The following AHI1 variants were observed in gnomAD, a reference collection of about 807,000 sequenced individuals.
AHI1 encodes Abelson helper integration site 1, also known as jouberin.
Under a neutral mutation model 149.3 loss-of-function variants are expected in AHI1, and 123 were observed. The ratio of observed to expected loss-of-function variants is 0.82; its 90% CI spans 0.71 to 0.96. The LOEUF (loss-of-function observed/expected upper bound fraction) is 0.96, where lower values mean the gene tolerates loss of function less well. Ranked by LOEUF, AHI1 falls within the 40% of genes least tolerant of loss-of-function variation. The pLI is 0.00. For missense variants in AHI1, 1,439 were observed against 1,422.7 expected, an observed-to-expected ratio of 1.01 and a Z score of -0.18; for synonymous variants, 475 against 459.8, an observed-to-expected ratio of 1.03 and a Z score of -0.42.
intron 23 of AHI1, among the ~76,000 whole-genome samples, chr6:135,372,517 A>T (rs1775218241): frequency 9.8e-6 from 1 of 102,162 alleles, no homozygotes; most frequent in African/African-American, 3.3e-5. Flanking sequence ...GGAAAAAAAA[A>T]GAAAAAAAAA....
intron 23 of AHI1, among the ~76,000 whole-genome samples, chr6:135,385,391 A>G (rs1299957453): frequency 6.6e-6 from 1 of 152,196 alleles, no homozygotes; most frequent in Non-Finnish European, 1.5e-5. Flanking sequence ...ATGAGATAAG[A>G]GGCAAAACAA....
chr6:135,383,517 G>A lies in AHI1; in HGVS notation c.3109+11259C>T, dbSNP rs963328258. On this transcript the variant is annotated intron_variant, in intron 23 of 28. Transcript: ENST00000265602. ...TACATTGGTATGGTATAGAGAATAT[G>A]AGATGGTGTGAACCCATTTTTCATA... Among the ~76,000 whole-genome samples the A allele has an allele frequency of 5.3e-5, 8 of 152,024 alleles. 1 individual carries two copies. The highest frequency in any genetic ancestry group is 1.9e-4 in the African/African-American group (8 of 41,370).
rs989975602 is a variant in AHI1 at position 135,287,875 on chromosome 6, C to A, written c.3589-2228G>T. 4.6e-5 allele frequency among the ~76,000 whole-genome samples: 7 copies of A among 151,886 alleles called. 1 individual carries two copies. The highest frequency in any genetic ancestry group is 1.7e-4 in the African/African-American group (7 of 41,228). Reference sequence around the variant, plus strand: ...ATTTTGGGAGGCTGAGGCGGGTGATCACTTGAGGTCAGGGGTTTGAGACCA... The same window carrying A: ...ATTTTGGGAGGCTGAGGCGGGTGATAACTTGAGGTCAGGGGTTTGAGACCA... On this transcript the variant is annotated intron_variant, in intron 28 of 28. Transcript: ENST00000265602.
chr6:135,335,030 G>A (rs1055030646), intron 24 of AHI1, among the ~76,000 whole-genome samples: 4 of 152,122 alleles, frequency 2.6e-5, no homozygotes, highest in Non-Finnish European at 5.9e-5. Flanking sequence ...ACTTATTTCT[G>A]CACATATCAA....
chr6:135,480,134 T>A (rs1793383593), intron 5 of AHI1, among the ~76,000 whole-genome samples: 1 of 152,180 alleles, frequency 6.6e-6, no homozygotes, highest in Admixed American at 6.5e-5. Context: ...AATACAATTT[T>A]CTACCATTAA....
rs11154800 is a variant in AHI1 at position 135,382,869 on chromosome 6, C to T, written c.3109+11907G>A. Reference sequence around the variant, plus strand: ...GAAGAGCTGCTTGCTTGGTTCCAGGCGGTGCCCATCCTAAGCAAAATTAGT... The same window carrying T: ...GAAGAGCTGCTTGCTTGGTTCCAGGTGGTGCCCATCCTAAGCAAAATTAGT... On this transcript the variant is annotated intron_variant, in intron 23 of 28. Transcript: ENST00000265602. 4.9e-3 allele frequency among the ~76,000 whole-genome samples: 568 copies of T among 116,636 alleles called. 3 individuals are homozygous for T. Among genetic ancestry groups the T allele is most frequent in the South Asian group, 0.013 (43 of 3,406 alleles). 76.5% of individuals were successfully genotyped at this position (116,636 alleles called of 152,430 possible).
chr6:135,310,999 G>C (rs746654124), intron 26 of AHI1, among the ~76,000 whole-genome samples: 13 of 151,946 alleles, frequency 8.6e-5, no homozygotes, highest in Non-Finnish European at 1.5e-4. Context: ...AAATAGGATT[G>C]TCTCTGCTAA....
Position 135,354,536 on chromosome 6 carries a change from G to T in AHI1, c.3165+3596C>A, listed in dbSNP as rs1792661166. Among the ~76,000 whole-genome samples, 4 of 152,218 alleles carry T rather than the reference G, an allele frequency of 2.6e-5. No homozygotes were observed. The South Asian group carries it at 8.3e-4, about 32-fold the overall frequency. ...CTTATGCTAGTTGCCATTTCCCTTT[G>T]ATTTGCAAATAAGTCCTTCATTTAA... On this transcript the variant is annotated intron_variant, in intron 24 of 28. Transcript: ENST00000265602.
intron 4 of AHI1, 100 bp from the exon 5 acceptor site, chr6:135,490,847 A>T: frequency 7.1e-7 from 1 of 1,401,802 alleles, no homozygotes; most frequent in Non-Finnish European, 9.6e-7. Flanking sequence ...AAATATCGGC[A>T]TGAGTTCTCT....
intron 20 of AHI1, 89 bp downstream of exon 20, chr6:135,427,078 T>C: frequency 1.5e-6 from 2 of 1,336,030 alleles, no homozygotes; most frequent in African/African-American, 1.5e-5. Context: ...TGTACTTTTG[T>C]CAACATTTGA....
intron 23 of AHI1, among the ~76,000 whole-genome samples, chr6:135,364,051 C>T (rs868834523): frequency 3.4e-5 from 5 of 147,824 alleles, no homozygotes; most frequent in Non-Finnish European, 7.5e-5. Flanking sequence ...CCGGACAGGG[C>T]GGCTGGCCGG....
intron 23 of AHI1, among the ~76,000 whole-genome samples, chr6:135,384,710 C>T (rs2128472162): frequency 6.6e-6 from 1 of 152,284 alleles, no homozygotes; most frequent in East Asian, 1.9e-4. Flanking sequence ...ATTGTAACAT[C>T]TGATTTGCTG....
intron 23 of AHI1, among the ~76,000 whole-genome samples, chr6:135,373,552 T>C (rs187614943): frequency 9.2e-5 from 14 of 152,220 alleles, no homozygotes; most frequent in Admixed American, 9.2e-4. Flanking sequence ...AAATTTTATG[T>C]TTCTTGGGAG....
intron 5 of AHI1, among the ~76,000 whole-genome samples, chr6:135,469,283 G>T (rs113209888): frequency 0.012 from 1,852 of 152,200 alleles, 43 homozygotes; most frequent in African/African-American, 0.042. Flanking sequence ...AATAGACACA[G>T]GAAAGGCCTT....
chr6:135,353,216 C>T (rs546195648), intron 24 of AHI1, among the ~76,000 whole-genome samples: 3 of 152,046 alleles, frequency 2.0e-5, no homozygotes, highest in South Asian at 4.2e-4. Context: ...ATTTGAATTT[C>T]GATAGAACTG....
At chr6:135,302,740 C>CAT (rs777548091) in intron 26 of AHI1, 52 of 1,283,296 alleles carry the variant, frequency 4.1e-5, no homozygotes, top group Non-Finnish European at 5.0e-5. Context: ...AGCAGCACGT[C>CAT]ATATAGGTAG....
rs1363466856 is a variant in AHI1, at chr6:135,438,444, A to G, written c.1967T>C (p.Ile656Thr). ...FMRELCGHLN[I>T]IYDLSWSKDD... ...TTTTGACCAGGAAAGATCATAAATG[A>G]TATTGAGGTGGCCACACAATTCTCT... Residue 656 changes from isoleucine to threonine, a missense_variant, in exon 15 of 29, where the codon ATC (isoleucine) becomes ACC (threonine). Transcript: ENST00000265602. The G allele has an allele frequency of 6.4e-6, 10 of 1,558,472 alleles. No homozygotes were observed. The highest frequency in any genetic ancestry group is 1.4e-5 in the African/African-American group (1 of 73,738).
intron 23 of AHI1, among the ~76,000 whole-genome samples, chr6:135,376,061 C>T (rs1775865540): frequency 6.6e-6 from 1 of 151,278 alleles, no homozygotes; most frequent in Admixed American, 6.6e-5. Flanking sequence ...TGAAAAAAAC[C>T]CATAGTACTC....
intron 24 of AHI1, among the ~76,000 whole-genome samples, chr6:135,330,623 A>G (rs1284971222): frequency 6.6e-6 from 1 of 152,224 alleles, no homozygotes; most frequent in Non-Finnish European, 1.5e-5. Context: ...AATATCTTCA[A>G]GGTATGACTG....
Sources: gnomAD v4.1 joint callset for allele counts (sites outside exome capture counted in the v4.1 genomes callset) on GRCh38, gnomAD v4.1.1 for gene constraint, MANE v1.5 for transcripts, NCBI Gene and HGNC (gene_info 2026-07-23, HGNC 2026-07-21) for gene names.